SAMD12: variants seen among roughly 807,000 people sequenced by gnomAD.
SAMD12 encodes sterile alpha motif domain containing 12.
A neutral mutation model predicts 15.0 loss-of-function variants in SAMD12; 9 were observed. That is an observed-to-expected ratio of 0.60 (90% CI 0.36 to 1.05). SAMD12 has a LOEUF of 1.05. Ranked by LOEUF, SAMD12 falls within the 50% of genes least tolerant of loss-of-function variation. The pLI, the probability that SAMD12 is intolerant of heterozygous loss-of-function variation, is 0.01. For synonymous variants in SAMD12, 86 were observed against 90.1 expected (o/e 0.96, Z 0.25); for missense variants, 230 against 234.2 (o/e 0.98, Z 0.12).
intron 2 of SAMD12, among the ~76,000 whole-genome samples, chr8:118,550,528 G>C (rs936154529): frequency 5.9e-5 from 9 of 152,022 alleles, no homozygotes; most frequent in African/African-American, 2.2e-4. Flanking sequence ...CCTGAAGGAA[G>C]CACTAAACAT....
intron 4 of SAMD12, among the ~76,000 whole-genome samples, chr8:118,241,674 T>C (rs899700291): frequency 6.6e-6 from 1 of 152,128 alleles, no homozygotes; most frequent in African/African-American, 2.4e-5. Flanking sequence ...GGTCACGACA[T>C]CTAAGTCAAA....
At chr8:118,545,271 A>C (rs1213139466) in intron 2 of SAMD12, among the ~76,000 whole-genome samples, 1 of 152,232 alleles carries the variant, frequency 6.6e-6, no homozygotes, top group Non-Finnish European at 1.5e-5. Flanking sequence ...AGTGGAGACC[A>C]GCCTGGCTAA....
the SAMD12 span, among the ~76,000 whole-genome samples, chr8:118,179,929 C>T: frequency 3.2e-4 from 49 of 152,206 alleles, no homozygotes; most frequent in Admixed American, 1.7e-3. Flanking sequence ...CACAGCTTAG[C>T]GTGGCCACTG....
chr8:118,464,883 C>G (rs1350961655), intron 2 of SAMD12, among the ~76,000 whole-genome samples: 1 of 152,158 alleles, frequency 6.6e-6, no homozygotes, highest in Non-Finnish European at 1.5e-5. Context: ...TTGAAATGGT[C>G]TGGGTTATAC....
At chr8:118,266,061 C>T (rs1813191781) in intron 4 of SAMD12, among the ~76,000 whole-genome samples, 1 of 152,022 alleles carries the variant, frequency 6.6e-6, no homozygotes, top group East Asian at 1.9e-4. Context: ...ACAATCATGG[C>T]AGAGGGGAAA....
intron 3 of SAMD12, among the ~76,000 whole-genome samples, chr8:118,419,988 C>G (rs932743795): frequency 6.6e-6 from 1 of 152,146 alleles, no homozygotes; most frequent in African/African-American, 2.4e-5. Context: ...TTGGAAGAAC[C>G]TTGGAGAAGA....
chr8:118,479,509 TG>T (rs1332798576), intron 2 of SAMD12, among the ~76,000 whole-genome samples: 4 of 152,148 alleles, frequency 2.6e-5, no homozygotes, highest in African/African-American at 9.7e-5. Context: ...GAGAACAGTA[TG>T]GGGGAAACCA....
chr8:118,376,899 C>A (rs1478224983), downstream of SAMD12, among the ~76,000 whole-genome samples: 1 of 152,106 alleles, frequency 6.6e-6, no homozygotes. Context: ...AATAAGTTCA[C>A]CTGAGTGGAA....
At chr8:118,388,713 T>C (rs1457343503) in intron 3 of SAMD12, among the ~76,000 whole-genome samples, 3 of 152,128 alleles carry the variant, frequency 2.0e-5, no homozygotes, top group Non-Finnish European at 1.5e-5. Flanking sequence ...TTTGCTGGGA[T>C]CGTTATGGCC....
At chr8:118,204,660 A>G (rs1484173402) in intron 4 of SAMD12, among the ~76,000 whole-genome samples, 1 of 152,180 alleles carries the variant, frequency 6.6e-6, no homozygotes, top group African/African-American at 2.4e-5. Flanking sequence ...AGGCTGAGGC[A>G]GAAGAATGGT....
intron 2 of SAMD12, among the ~76,000 whole-genome samples, chr8:118,522,025 C>T (rs1825400569): frequency 2.0e-5 from 3 of 152,040 alleles, no homozygotes; most frequent in African/African-American, 4.8e-5. Flanking sequence ...TATGGTAATA[C>T]AACATAACAC....
At chr8:118,254,105 G>A (rs912062088) in intron 4 of SAMD12, among the ~76,000 whole-genome samples, 8 of 152,220 alleles carry the variant, frequency 5.3e-5, no homozygotes, top group East Asian at 1.9e-4. Flanking sequence ...GATTTCATCC[G>A]TGTGAAAATT....
intron 2 of SAMD12, among the ~76,000 whole-genome samples, chr8:118,569,673 ACT>A (rs1415284282): frequency 1.3e-5 from 2 of 151,974 alleles, no homozygotes; most frequent in African/African-American, 4.8e-5. Context: ...ACCTTAGCTC[ACT>A]CTCTCTGCCA....
At chr8:118,215,139 T>C (rs1449090685) in intron 4 of SAMD12, among the ~76,000 whole-genome samples, 3 of 152,250 alleles carry the variant, frequency 2.0e-5, no homozygotes, top group African/African-American at 7.2e-5. Context: ...GCAATTTTAA[T>C]AATCTAAAAC....
At chr8:118,382,639 A>G (rs12678322) in intron 3 of SAMD12, among the ~76,000 whole-genome samples, 27,462 of 152,218 alleles carry the variant, frequency 0.18, 2,730 homozygotes, top group South Asian at 0.25. Context: ...TAAATGTCCA[A>G]CTGTTCAAAT....
chr8:118,386,955 C>T (rs936290683), intron 3 of SAMD12, among the ~76,000 whole-genome samples: 4 of 152,196 alleles, frequency 2.6e-5, no homozygotes, highest in African/African-American at 9.6e-5. Context: ...ATTACAACGC[C>T]TCTTTTCTGC....
chr8:118,450,399 CTCTG>C (rs1193403582), intron 2 of SAMD12, among the ~76,000 whole-genome samples: 1 of 152,144 alleles, frequency 6.6e-6, no homozygotes, highest in Non-Finnish European at 1.5e-5. Context: ...TTTGTGTCTG[CTCTG>C]TCTTAGTACA....
chr8:118,469,168 C>T (rs577694313), intron 2 of SAMD12, among the ~76,000 whole-genome samples: 7 of 152,100 alleles, frequency 4.6e-5, no homozygotes, highest in Admixed American at 1.3e-4. Context: ...CATTCAGATG[C>T]CCCTTAGCCT....
the SAMD12 span, among the ~76,000 whole-genome samples, chr8:118,148,560 C>T: frequency 1.1e-4 from 16 of 152,058 alleles, no homozygotes; most frequent in African/African-American, 3.9e-4. Context: ...AAAATTTACC[C>T]AATTGAAGTG....
Sources: gnomAD v4.1 joint callset for allele counts (sites outside exome capture counted in the v4.1 genomes callset) on GRCh38, gnomAD v4.1.1 for gene constraint, MANE v1.5 for transcripts, NCBI Gene and HGNC (gene_info 2026-07-23, HGNC 2026-07-21) for gene names.